Variants in RAB11FIP3 observed in about 807,000 individuals in gnomAD.
The protein encoded by RAB11FIP3 is rab11 family-interacting protein 3.
Under a neutral mutation model 77.8 loss-of-function variants are expected in RAB11FIP3, and 17 were observed. That is an observed-to-expected ratio of 0.22 (90% CI 0.15 to 0.33). RAB11FIP3 has a LOEUF of 0.33. Ranked by LOEUF, RAB11FIP3 falls within the 10% of genes least tolerant of loss-of-function variation. The probability of loss-of-function intolerance (pLI) is 1.00; values close to 1 mark genes in which losing one functional copy is unlikely to be tolerated. For missense variants in RAB11FIP3, 1,005 were observed against 1,011.2 expected, an observed-to-expected ratio of 0.99 and a Z score of 0.08; for synonymous variants, 437 against 448.2, an observed-to-expected ratio of 0.98 and a Z score of 0.31.
chr16:491,227 T>A (rs2030156399), intron 5 of RAB11FIP3: 1 of 1,304,746 alleles, frequency 7.7e-7, no homozygotes, highest in African/African-American at 1.5e-5. Flanking sequence ...TCAACCGCCT[T>A]GAGGATCTTT....
intron 1 of RAB11FIP3, among the ~76,000 whole-genome samples, chr16:447,149 A>G (rs766344321): frequency 6.6e-6 from 1 of 152,014 alleles, no homozygotes; most frequent in African/African-American, 2.4e-5. Flanking sequence ...TACAAAAAAT[A>G]TAAAAATTAG....
At chr16:437,275 C>T (rs904055983) in intron 1 of RAB11FIP3, among the ~76,000 whole-genome samples, 5 of 147,700 alleles carry the variant, frequency 3.4e-5, no homozygotes, top group African/African-American at 1.3e-4. Context: ...GAGACTCTGT[C>T]TCAGAAAAAA....
In RAB11FIP3 at chr16:461,380, C is replaced by A; in HGVS notation, c.715-24C>A. 1 of 1,603,498 alleles carries A rather than the reference C, an allele frequency of 6.2e-7. No individual in the cohort carries two copies. The highest frequency in any genetic ancestry group is 8.5e-7 in the Non-Finnish European group (1 of 1,171,280). The stretch of plus-strand genomic sequence containing the variant: ...CCCCTGCTGTAAAGGCTTAGGGTAA[C>A]CTAGTCTCATTTGGCAATTACAGGT... On this transcript the variant is annotated intron_variant, in intron 1 of 13. Transcript: ENST00000262305. The surrounding 1 kb of genome is among the most constrained non-coding windows in gnomAD (Gnocchi z 4.5).
chr16:522,204 A>AT lies in RAB11FIP3; in HGVS notation c.*1371dup. On this transcript the variant is annotated 3_prime_UTR_variant, in exon 14 of 14. Coordinates refer to ENST00000262305, the MANE Select transcript of RAB11FIP3 (RefSeq NM_014700.4). ...TTTTTTATAGATTGAAGGTTGATCAATTTTTTAATACTTTCAAGAGAAAAC... is the reference window on the plus strand; with the variant it reads ...TTTTTTATAGATTGAAGGTTGATCAATTTTTTTAATACTTTCAAGAGAAAAC... 1 of 149,760 alleles carries AT rather than the reference A, an allele frequency of 6.7e-6. No individual in the cohort carries two copies. The highest frequency in any genetic ancestry group is 2.0e-4 in the East Asian group (1 of 5,050). The allele number at this position is 149,760 out of a possible 1,614,324, so 9.3% of individuals were successfully genotyped here.
chr16:429,005 C>T (rs2054995392), intron 1 of RAB11FIP3, among the ~76,000 whole-genome samples: 1 of 152,066 alleles, frequency 6.6e-6, no homozygotes, highest in Non-Finnish European at 1.5e-5. Context: ...CTTGTCTGTT[C>T]TTCTAGACGG....
rs138013940 is a variant in RAB11FIP3 at position 436,452 on chromosome 16, C to G, written c.714+9732C>G. On this transcript the variant is annotated intron_variant, in intron 1 of 13. Coordinates refer to ENST00000262305, the MANE Select transcript of RAB11FIP3 (RefSeq NM_014700.4). ...AGCCTCCAGGGGCATGCCCCCACAC[C>G]CAGCCAATGTTTCATTTATTTATTT... Among the ~76,000 whole-genome samples the G allele has an allele frequency of 8.1e-3, 1,237 of 152,078 alleles. 18 individuals carry two copies. The highest frequency in any genetic ancestry group is 0.028 in the African/African-American group (1,179 of 41,422).
chr16:427,791 G>C (rs566283806), intron 1 of RAB11FIP3, among the ~76,000 whole-genome samples: 1 of 152,236 alleles, frequency 6.6e-6, no homozygotes, highest in Non-Finnish European at 1.5e-5. Flanking sequence ...TATTTAGGGT[G>C]TCAGTCATAA....
intron 1 of RAB11FIP3, among the ~76,000 whole-genome samples, chr16:437,485 A>T (rs942445278): frequency 1.4e-5 from 2 of 138,018 alleles, no homozygotes; most frequent in Admixed American, 1.5e-4. Flanking sequence ...CAGGAGAATC[A>T]CTTGAACCTG....
intron 1 of RAB11FIP3, among the ~76,000 whole-genome samples, chr16:454,921 G>A (rs12933225): frequency 0.4 from 60,449 of 151,482 alleles, 13,565 homozygotes; most frequent in Middle Eastern, 0.53. Flanking sequence ...GTGGTGGTAC[G>A]TGCCTGTAAT....
chr16:501,104 A>C (rs186310429), intron 6 of RAB11FIP3, among the ~76,000 whole-genome samples: 3 of 152,342 alleles, frequency 2.0e-5, no homozygotes, highest in Non-Finnish European at 2.9e-5. Flanking sequence ...CAGAGCGTTT[A>C]TGGGGAAAAA....
intron 1 of RAB11FIP3, among the ~76,000 whole-genome samples, chr16:456,481 C>T (rs546128691): frequency 1.2e-3 from 183 of 151,230 alleles, no homozygotes; most frequent in African/African-American, 4.1e-3. Flanking sequence ...CAAGGCTGGG[C>T]ACGGTGGCTC....
intron 5 of RAB11FIP3, chr16:491,144 C>G (rs775159909): frequency 1.2e-5 from 15 of 1,302,114 alleles, no homozygotes; most frequent in Admixed American, 1.1e-4. Flanking sequence ...CACTGACCCT[C>G]TTGCCGCAAA....
intron 2 of RAB11FIP3, among the ~76,000 whole-genome samples, chr16:462,869 T>TCAGCACAATGTCTTCCC (rs558991594): frequency 5.0e-5 from 7 of 138,814 alleles, no homozygotes; most frequent in South Asian, 2.4e-4. Context: ...CATCCCTTCC[T>TCAGCACAATGTCTTCCC]CAGCACAATG....
chr16:433,555 A>G (rs1444767009), intron 1 of RAB11FIP3, among the ~76,000 whole-genome samples: 1 of 151,804 alleles, frequency 6.6e-6, no homozygotes, highest in African/African-American at 2.4e-5. Context: ...TACGTGGCCA[A>G]ATAGTACTCC....
intron 2 of RAB11FIP3, among the ~76,000 whole-genome samples, chr16:467,718 T>G (rs1210427266): frequency 2.6e-4 from 5 of 19,486 alleles, no homozygotes; most frequent in Admixed American, 5.3e-4. Flanking sequence ...GAGGAGGTGC[T>G]GGGGCCTCAG....
chr16:472,227 G>C lies in RAB11FIP3; in HGVS notation c.903+838G>C, dbSNP rs1003326041. Among the ~76,000 whole-genome samples, 5 of 152,232 alleles carry C rather than the reference G, an allele frequency of 3.3e-5. No homozygotes were observed. Among genetic ancestry groups the C allele is most frequent in the African/African-American group, 1.2e-4 (5 of 41,468 alleles). ...GCCATGGTATTATACTCAGTTCCCTGTTCCGAGAAGCTGCCCCAGGGATTA... is the reference window on the plus strand; with the variant it reads ...GCCATGGTATTATACTCAGTTCCCTCTTCCGAGAAGCTGCCCCAGGGATTA... On this transcript the variant is annotated intron_variant, in intron 3 of 13. Coordinates refer to ENST00000262305, the MANE Select transcript of RAB11FIP3 (RefSeq NM_014700.4). This position sits in a 1 kb window ranked among gnomAD's most constrained non-coding sequence, Gnocchi z 4.1.
rs561863392 is a variant in RAB11FIP3 at position 515,559 on chromosome 16, C to G, written c.1641-3384C>G. ...CGGTGTTTGCATCTTGGAGCAGCCA[C>G]ACGGGCGACACGGACCGGTGTTTGC... On this transcript the variant is annotated intron_variant, in intron 9 of 13. Coordinates refer to ENST00000262305, the MANE Select transcript of RAB11FIP3 (RefSeq NM_014700.4). 2.0e-3 allele frequency among the ~76,000 whole-genome samples: 298 copies of G among 150,366 alleles called. 5 individuals are homozygous for G. Among genetic ancestry groups the G allele is most frequent in the African/African-American group, 7.0e-3 (286 of 40,750 alleles).
intron 9 of RAB11FIP3, among the ~76,000 whole-genome samples, chr16:513,407 C>T (rs906209455): frequency 4.6e-5 from 7 of 150,802 alleles, no homozygotes; most frequent in Admixed American, 3.9e-4. Flanking sequence ...TTGGTAGAGA[C>T]GAGGTCTTGC....
chr16:480,286 C>CAAAAAAAAAAAAAAAAAAAAAA (rs56228402), intron 3 of RAB11FIP3, among the ~76,000 whole-genome samples: 4 of 80,024 alleles, frequency 5.0e-5, no homozygotes, highest in African/African-American at 1.9e-4. Context: ...ACTCCTTCTC[C>CAAAAAAAAAAAAAAAAAAAAAA]AAAAAAAAAA....
Sources: allele counts gnomAD v4.1 joint callset (sites outside exome capture counted in the v4.1 genomes callset), GRCh38; gene constraint gnomAD v4.1.1; non-coding constraint Gnocchi (gnomAD v3.1); transcripts MANE v1.5; gene names NCBI Gene and HGNC (gene_info 2026-07-23, HGNC 2026-07-21).